REXO1: variants seen among roughly 807,000 people sequenced by gnomAD.
REXO1 encodes RNA exonuclease 1 homolog, also known as REX1, RNA exonuclease 1 homolog.
REXO1 carries 42 observed loss-of-function variants against 102.6 expected under a neutral mutation model. The observed-to-expected ratio is 0.41, with a 90% CI of 0.32 to 0.53. The LOEUF is 0.53. REXO1 is among the 20% of genes least tolerant of loss of function. The pLI is 0.27. For synonymous variants in REXO1, 908 were observed against 779.1 expected, an observed-to-expected ratio of 1.17 and a Z score of -2.76; for missense variants, 1,819 against 1,732.5, an observed-to-expected ratio of 1.05 and a Z score of -0.89.
chr19:1,842,213 CAAAAA>C (rs566792887), intron 1 of REXO1, among the ~76,000 whole-genome samples: 1 of 76,560 alleles, frequency 1.3e-5, no homozygotes, highest in Non-Finnish European at 2.9e-5. Context: ...GATTCCGTTG[CAAAAA>C]AAAAAAAAAA....
intron 1 of REXO1, among the ~76,000 whole-genome samples, 160 bp downstream of exon 1, chr19:1,848,042 T>A (rs2011633210): frequency 6.6e-6 from 1 of 152,088 alleles, no homozygotes; most frequent in South Asian, 2.1e-4. Flanking sequence ...TTGCACCGGG[T>A]CCCAGGGTGG....
Position 1,828,574 on chromosome 19 carries a change from T to C in REXO1, c.215A>G (p.Asn72Ser), listed in dbSNP as rs536701376. Residue 72 changes from asparagine (N) to serine (S), a missense_variant, in exon 2 of 16, where the codon AAT (asparagine) becomes AGT (serine). By Grantham distance (46) the Asn-to-Ser change is conservative. Transcript: ENST00000170168. ...CTCCTCCCCCAGGCCCAGGGTGCCATTCTCCCTCTGCGCGGGGGGCTTGGG... is the reference window on the plus strand; with the variant it reads ...CTCCTCCCCCAGGCCCAGGGTGCCACTCTCCCTCTGCGCGGGGGGCTTGGG... ...ELPKPPAQRE[N>S]GTLGLGEEPR... 6.2e-7 allele frequency: 1 copy of C among 1,603,866 alleles called. No homozygotes were observed. Among genetic ancestry groups the C allele is most frequent in the African/African-American group, 1.3e-5 (1 of 74,928 alleles).
intron 5 of REXO1, among the ~76,000 whole-genome samples, chr19:1,820,683 T>TAAA (rs1397559394): frequency 6.6e-6 from 1 of 152,144 alleles, no homozygotes; most frequent in Non-Finnish European, 1.5e-5. Context: ...TCAAAAAACA[T>TAAA]AAAGTCTATT....
In REXO1 at chr19:1,846,583, G is replaced by A. The variant is rs544289806; in HGVS notation, c.157+1619C>T. On this transcript the variant is annotated intron_variant, in intron 1 of 15. Coordinates refer to ENST00000170168, the MANE Select transcript of REXO1 (RefSeq NM_020695.4). ...AAACAAATGAGCCATTTGGGATGCA[G>A]ACAGATATCATAAGCCTGACTTGCG... 2.6e-5 allele frequency among the ~76,000 whole-genome samples: 4 copies of A among 152,328 alleles called. No homozygotes were observed. The South Asian group carries it at 6.2e-4, about 24-fold the overall frequency.
At chr19:1,823,169 A>C in intron 4 of REXO1, 1 of 195,150 alleles carries the variant, frequency 5.1e-6, no homozygotes, top group African/African-American at 2.3e-5. Flanking sequence ...CTGGGAAGAC[A>C]GCACTCATTT....
At chr19:1,819,671 C>T (rs987431287) in intron 7 of REXO1, among the ~76,000 whole-genome samples, 5 of 152,236 alleles carry the variant, frequency 3.3e-5, no homozygotes, top group Non-Finnish European at 7.3e-5. Context: ...TGCCGCAGCT[C>T]CATTAGCAGG....
At chr19:1,818,671 C>A in intron 9 of REXO1, 35 bp downstream of exon 9, 1 of 1,609,624 alleles carries the variant, frequency 6.2e-7, no homozygotes, top group Admixed American at 1.7e-5. Flanking sequence ...CATCCCGCAC[C>A]TGCCCACCTA....
At chr19:1,833,548 C>T (rs2069961218) in intron 1 of REXO1, among the ~76,000 whole-genome samples, 1 of 152,238 alleles carries the variant, frequency 6.6e-6, no homozygotes, top group Admixed American at 6.5e-5. Flanking sequence ...GGAGGGACAG[C>T]TGCCAGGCCA....
rs1181346684 is a variant in REXO1, at chr19:1,815,991, T to C, written c.*75A>G. ...GGTGGACGGGTTACCGGAGATTTAT[T>C]GCACTGTTTTGGAAGAGGCATGGGG... On this transcript the variant is annotated 3_prime_UTR_variant, in exon 16 of 16. Coordinates refer to ENST00000170168, the MANE Select transcript of REXO1 (RefSeq NM_020695.4). This position sits in a 1 kb window ranked among gnomAD's most constrained non-coding sequence, Gnocchi z 4.0. The C allele has an allele frequency of 6.5e-7, 1 of 1,536,400 alleles. No individual in the cohort carries two copies. The highest frequency in any genetic ancestry group is 2.4e-5 in the East Asian group (1 of 40,900).
chr19:1,828,598 G>A lies in REXO1; in HGVS notation c.191C>T (p.Pro64Leu), dbSNP rs779095281. 8 of 1,602,420 alleles carry A rather than the reference G, an allele frequency of 5.0e-6. No homozygotes were observed. The highest frequency in any genetic ancestry group is 6.8e-6 in the Non-Finnish European group (8 of 1,179,740). Residue 64 changes from proline (P) to leucine (L), a missense_variant, in exon 2 of 16, where the codon CCC becomes CTC. Physicochemically the swap from Pro to Leu is moderately conservative, Grantham distance 98 (BLOSUM62 -3). Coordinates refer to ENST00000170168, the MANE Select transcript of REXO1 (RefSeq NM_020695.4). ...LGYDPYNPEL[P>L]KPPAQRENGT... ...ATTCTCCCTCTGCGCGGGGGGCTTG[G>A]GCAGCTCAGGGTTGTAGGGGTCGTA...
At chr19:1,841,650 G>A (rs746893253) in intron 1 of REXO1, among the ~76,000 whole-genome samples, 49 of 152,206 alleles carry the variant, frequency 3.2e-4, no homozygotes, top group Admixed American at 1.4e-3. Flanking sequence ...GACAGAGGCC[G>A]GCCACTGGCA....
intron 1 of REXO1, among the ~76,000 whole-genome samples, chr19:1,836,576 T>C (rs2070042793): frequency 6.6e-6 from 1 of 151,656 alleles, no homozygotes; most frequent in Admixed American, 6.6e-5. Context: ...TAAAACCCCG[T>C]CTCTACTAAG....
At position 1,828,213 on chromosome 19, in the gene REXO1, A is replaced by G; in HGVS notation, c.576T>C (p.Gly192=). The G allele has an allele frequency of 2.5e-6, 4 of 1,603,980 alleles. No homozygotes were observed. The highest frequency in any genetic ancestry group is 1.7e-5 in the Admixed American group (1 of 58,030). The change falls in exon 2 of 16, where the codon GGT becomes GGC. Residue 192 remains glycine (G), a synonymous_variant. Transcript: ENST00000170168. ...LASLDRGQGR[G]GGGGGALEYV... Reference sequence around the variant, plus strand: ...ATTCCAGGGCACCGCCACCCCCTCCACCTCTGCCCTGACCCCTGTCCAGGG... The same window carrying G: ...ATTCCAGGGCACCGCCACCCCCTCCGCCTCTGCCCTGACCCCTGTCCAGGG...
Position 1,818,558 on chromosome 19 carries a change from GT to G in REXO1, c.2939del (p.Tyr980SerfsTer66). On this transcript the variant is annotated frameshift_variant, in exon 10 of 16. Transcript: ENST00000170168. LOFTEE classifies it high-confidence loss of function. ...TGCAGCGGCCTGAAGAGGACACGAG[GT>G]ACTCGGTGCCACAGCGGCAGCAGGT... ...CRTCCRCGTE[Y>X]LVSSSGRCIR... 6.2e-7 allele frequency: 1 copy of G among 1,612,056 alleles called. No individual in the cohort carries two copies. Among genetic ancestry groups the G allele is most frequent in the Non-Finnish European group, 8.5e-7 (1 of 1,179,742 alleles).
At chr19:1,830,208 T>C (rs1045440939) in intron 1 of REXO1, among the ~76,000 whole-genome samples, 2 of 152,098 alleles carry the variant, frequency 1.3e-5, no homozygotes, top group African/African-American at 4.8e-5. Context: ...AGTTGACCAT[T>C]AGAAATTCTA....
At chr19:1,844,226 C>T (rs1459961535) in intron 1 of REXO1, among the ~76,000 whole-genome samples, 3 of 152,244 alleles carry the variant, frequency 2.0e-5, no homozygotes, top group Non-Finnish European at 4.4e-5. Context: ...TTACCAGCCA[C>T]GCGTACACAG....
chr19:1,817,214 C>A lies in REXO1; in HGVS notation c.3201+5G>T, dbSNP rs1241148220. 1 of 1,611,954 alleles carries A rather than the reference C, an allele frequency of 6.2e-7. No individual in the cohort carries two copies. Among genetic ancestry groups the A allele is most frequent in the African/African-American group, 1.3e-5 (1 of 74,934 alleles). On this transcript the variant is annotated splice_donor_5th_base_variant and intron_variant, in intron 12 of 15. Coordinates refer to ENST00000170168, the MANE Select transcript of REXO1 (RefSeq NM_020695.4). Reference sequence around the variant, plus strand: ...AACCCGACGCTGGGCAGAGAACAGCCTCACCATCTCGCAGTCCAGGGCGTA... The same window carrying A: ...AACCCGACGCTGGGCAGAGAACAGCATCACCATCTCGCAGTCCAGGGCGTA...
rs762921618 is a variant in REXO1, at chr19:1,818,811, G to A, written c.2797C>T (p.Leu933=). The part of the protein sequence containing the change: ...AALYSRLREY[L]LTQDQLKENG... ...TCCTTGAGCTGGTCCTGGGTGAGCA[G>A]GTACTCCCTGAGGCGGCTGTACAGG... Residue 933 remains leucine (L), a synonymous_variant, in exon 9 of 16, where the codon CTG becomes TTG. Transcript: ENST00000170168. 5.6e-6 allele frequency: 9 copies of A among 1,609,348 alleles called. No homozygotes were observed. The highest frequency in any genetic ancestry group is 1.3e-5 in the African/African-American group (1 of 74,918).
At position 1,826,175 on chromosome 19, in the gene REXO1, G is replaced by A. The variant is rs2145271227; in HGVS notation, c.1912-232C>T. Among the ~76,000 whole-genome samples the A allele has an allele frequency of 6.6e-6, 1 of 152,262 alleles. No homozygotes were observed. The highest frequency in any genetic ancestry group is 6.5e-5 in the Admixed American group (1 of 15,292). ...AGGCTACCTCTCCTGGGCACCCAGGGCCCCAGCTTGGAGACCCCAGGGCTG... is the reference window on the plus strand; with the variant it reads ...AGGCTACCTCTCCTGGGCACCCAGGACCCCAGCTTGGAGACCCCAGGGCTG... On this transcript the variant is annotated intron_variant, in intron 2 of 15. Coordinates refer to ENST00000170168, the MANE Select transcript of REXO1 (RefSeq NM_020695.4). The surrounding 1 kb of genome is among the most constrained non-coding windows in gnomAD (Gnocchi z 4.3).
Sources: allele counts gnomAD v4.1 joint callset (sites outside exome capture counted in the v4.1 genomes callset), GRCh38; gene constraint gnomAD v4.1.1; non-coding constraint Gnocchi (gnomAD v3.1); transcripts MANE v1.5; gene names NCBI Gene and HGNC (gene_info 2026-07-23, HGNC 2026-07-21).